The following ABHD2 variants were observed in gnomAD, a reference collection of about 807,000 sequenced individuals.
ABHD2 encodes abhydrolase domain containing 2, acylglycerol lipase.
ABHD2 carries 20 observed loss-of-function variants against 48.1 expected under a neutral mutation model. That is an observed-to-expected ratio of 0.42 (90% CI 0.29 to 0.60). The LOEUF (loss-of-function observed/expected upper bound fraction) is 0.60. Among genes scored for constraint, ABHD2 ranks in the 20% least tolerant of loss-of-function variants. The pLI, the probability that ABHD2 is intolerant of heterozygous loss-of-function variation, is 0.24. For missense variants in ABHD2, 405 were observed against 550.9 expected, an observed-to-expected ratio of 0.74 and a Z score of 2.65; for synonymous variants, 209 against 214.2, an observed-to-expected ratio of 0.98 and a Z score of 0.21.
chr15:89,165,485 G>T (rs940746410), intron 5 of ABHD2, among the ~76,000 whole-genome samples: 1 of 152,106 alleles, frequency 6.6e-6, no homozygotes, highest in Admixed American at 6.5e-5. Flanking sequence ...AAGCGAGGTG[G>T]CATGCACTTG....
rs1010433502 is a variant in ABHD2 at position 89,102,334 on chromosome 15, T to C, written c.-106-11391T>C. ...TAGTACTTCATTATATACAGATTTG[T>C]TGTACTATTTTCCAATTGTTTTATG... On this transcript the variant is annotated intron_variant, in intron 1 of 10. Transcript: ENST00000352732. The surrounding 1 kb of genome is among the most constrained non-coding windows in gnomAD (Gnocchi z 4.8). 2.6e-5 allele frequency: 4 copies of C among 152,268 alleles called. No individual in the cohort carries two copies. The highest frequency in any genetic ancestry group is 9.6e-5 in the African/African-American group (4 of 41,464). 9.4% of individuals were successfully genotyped at this position (152,268 alleles called of 1,614,324 possible). A position where few individuals can be genotyped will look rare whatever the true frequency, so the allele number is the denominator to read the frequency against.
intron 3 of ABHD2, among the ~76,000 whole-genome samples, chr15:89,131,329 C>G (rs1474545066): frequency 6.6e-6 from 1 of 152,238 alleles, no homozygotes; most frequent in Non-Finnish European, 1.5e-5. Context: ...CCTGGAATCC[C>G]TTCATACCTC....
At chr15:89,103,197 C>T (rs1195368781) in intron 1 of ABHD2, among the ~76,000 whole-genome samples, 1 of 152,184 alleles carries the variant, frequency 6.6e-6, no homozygotes, top group Non-Finnish European at 1.5e-5. Context: ...TCTCATCCTC[C>T]TCATGTGTTA....
At chr15:89,123,447 T>A (rs985044326) in intron 3 of ABHD2, among the ~76,000 whole-genome samples, 1 of 152,234 alleles carries the variant, frequency 6.6e-6, no homozygotes, top group African/African-American at 2.4e-5. Flanking sequence ...TCTCTGAGAC[T>A]CATCGTGGGG....
the ABHD2 span, among the ~76,000 whole-genome samples, chr15:89,055,472 A>T: frequency 1.3e-5 from 2 of 151,900 alleles, no homozygotes; most frequent in South Asian, 2.1e-4. Context: ...AGCTGGGACT[A>T]TAGGCGAATG....
chr15:89,175,806 C>T lies in ABHD2; in HGVS notation c.539-6C>T, dbSNP rs760560974. On this transcript the variant is annotated splice_polypyrimidine_tract_variant and splice_region_variant and intron_variant, in intron 5 of 10. Coordinates refer to ENST00000352732, the MANE Select transcript of ABHD2 (RefSeq NM_152924.5). This position sits in a 1 kb window ranked among gnomAD's most constrained non-coding sequence, Gnocchi z 5.7. Reference sequence around the variant, plus strand: ...TGATTGAGCAATCTCACCCTTTTGCCCACAGGCTGCACGTGGGAATTTGGA... The same window carrying T: ...TGATTGAGCAATCTCACCCTTTTGCTCACAGGCTGCACGTGGGAATTTGGA... The T allele has an allele frequency of 2.5e-6, 4 of 1,613,858 alleles. No homozygotes were observed. Among genetic ancestry groups the T allele is most frequent in the Non-Finnish European group, 2.5e-6 (3 of 1,179,914 alleles).
intron 1 of ABHD2, among the ~76,000 whole-genome samples, chr15:89,105,308 C>A (rs2049767098): frequency 6.6e-6 from 1 of 152,194 alleles, no homozygotes; most frequent in Non-Finnish European, 1.5e-5. Flanking sequence ...TGGTAACTTT[C>A]TTTGTGGAAG....
intron 3 of ABHD2, among the ~76,000 whole-genome samples, chr15:89,148,549 A>T (rs1255480136): frequency 6.6e-6 from 1 of 152,266 alleles, no homozygotes; most frequent in Non-Finnish European, 1.5e-5. Context: ...CAGTATCTAC[A>T]AAATGTAAAA....
chr15:89,190,272 A>G (rs1472533742), intron 8 of ABHD2, among the ~76,000 whole-genome samples: 3 of 152,182 alleles, frequency 2.0e-5, no homozygotes, highest in African/African-American at 7.2e-5. Context: ...GGAGCTCCAG[A>G]TTGAACCTTG....
chr15:89,057,010 T>C, the ABHD2 span, among the ~76,000 whole-genome samples: 1 of 143,722 alleles, frequency 7.0e-6, no homozygotes, highest in African/African-American at 2.6e-5. Context: ...GCCTCCCGGG[T>C]TCAAGCGATT....
In ABHD2 at chr15:89,146,355, C is replaced by CGTGTGTGTGTGTGTGTGT. The variant is rs4032279; in HGVS notation, c.195-5295_195-5278dup. Reference sequence around the variant, plus strand: ...TGAGCTTCATCTGCTCAAAGACGTACGTGTGTGTGTGTGTGTGTGTGTGTG... The same window carrying CGTGTGTGTGTGTGTGTGT: ...TGAGCTTCATCTGCTCAAAGACGTACGTGTGTGTGTGTGTGTGTGTGTGTGTGTGTGTGTGTGTGTGTG... On this transcript the variant is annotated intron_variant, in intron 3 of 10. Transcript: ENST00000352732. This position sits in a 1 kb window ranked among gnomAD's most constrained non-coding sequence, Gnocchi z 4.2. 3.9e-4 allele frequency among the ~76,000 whole-genome samples: 47 copies of CGTGTGTGTGTGTGTGTGT among 121,634 alleles called. No homozygotes were observed. The highest frequency in any genetic ancestry group is 1.6e-3 in the South Asian group (5 of 3,174). The allele number at this position is 121,634 out of a possible 152,430, so 79.8% of individuals were successfully genotyped here.
In ABHD2 at chr15:89,104,488, A is replaced by G. The variant is rs2049750949; in HGVS notation, c.-106-9237A>G. ...GGCTGCACGTGTTAATGCTGTCATC[A>G]CGGGCCCCACAGTGTGTATTAGCCA... On this transcript the variant is annotated intron_variant, in intron 1 of 10. Coordinates refer to ENST00000352732, the MANE Select transcript of ABHD2 (RefSeq NM_152924.5). This position sits in a 1 kb window ranked among gnomAD's most constrained non-coding sequence, Gnocchi z 4.4. Among the ~76,000 whole-genome samples the G allele has an allele frequency of 6.6e-6, 1 of 152,166 alleles. No homozygotes were observed. Among genetic ancestry groups the G allele is most frequent in the South Asian group, 2.1e-4 (1 of 4,830 alleles).
At chr15:89,052,536 CAGACAGACAGACAG>C in the ABHD2 span, among the ~76,000 whole-genome samples, 1 of 129,672 alleles carries the variant, frequency 7.7e-6, no homozygotes, top group African/African-American at 3.4e-5. Context: ...GACAGACAGA[CAGACAGACAGACAG>C]ACAGACAGAC....
rs543681511 is a variant in ABHD2 at position 89,184,502 on chromosome 15, G to A, written c.723-922G>A. ...TGTAATGAGTGTGGACTCAGTGTCC[G>A]CCTGCGTTTGGATTCACGCCCAAGG... On this transcript the variant is annotated intron_variant, in intron 6 of 10. Transcript: ENST00000352732. This position sits in a 1 kb window ranked among gnomAD's most constrained non-coding sequence, Gnocchi z 5.1. 5.9e-5 allele frequency among the ~76,000 whole-genome samples: 9 copies of A among 152,154 alleles called. No homozygotes were observed. Among genetic ancestry groups the A allele is most frequent in the South Asian group, 2.1e-4 (1 of 4,820 alleles).
In ABHD2 at chr15:89,151,786, A is replaced by G. The variant is rs1358638187; in HGVS notation, c.304A>G (p.Thr102Ala). 2 of 1,614,208 alleles carry G rather than the reference A, an allele frequency of 1.2e-6. No homozygotes were observed. Among genetic ancestry groups the G allele is most frequent in the East Asian group, 2.2e-5 (1 of 44,888 alleles). The change falls in exon 4 of 11, where the codon ACT (threonine) becomes GCT (alanine). Residue 102 changes from threonine to alanine, a missense_variant. Coordinates refer to ENST00000352732, the MANE Select transcript of ABHD2 (RefSeq NM_152924.5). This position sits in a 1 kb window ranked among gnomAD's most constrained non-coding sequence, Gnocchi z 4.7. ...TCCTTATGGGCACCGGAAGTTCATC[A>G]CTATGTCTGATGGAGCCACTTCTAC... ...PHPYGHRKFI[T>A]MSDGATSTFD... is the part of the protein sequence containing the mutation.
At chr15:89,086,780 G>A (rs1596049354), upstream of ABHD2, among the ~76,000 whole-genome samples, 1 of 152,222 alleles carries the variant, frequency 6.6e-6, no homozygotes, top group East Asian at 1.9e-4. Flanking sequence ...TACTTATCTA[G>A]TGATAATCTA....
At chr15:89,099,025 C>T (rs1361863053) in intron 1 of ABHD2, among the ~76,000 whole-genome samples, 1 of 152,148 alleles carries the variant, frequency 6.6e-6, no homozygotes, top group Non-Finnish European at 1.5e-5. Context: ...TTCCTAGAGC[C>T]TCACCAGGGC....
At chr15:89,041,558 G>A in the ABHD2 span, among the ~76,000 whole-genome samples, 2 of 152,364 alleles carry the variant, frequency 1.3e-5, 1 homozygote. Flanking sequence ...GACTGTCCTA[G>A]TGTGAATCCG....
At chr15:89,183,376 A>ATATAT (rs1555433598) in intron 6 of ABHD2, 6 of 75,866 alleles carry the variant, frequency 7.9e-5, no homozygotes, top group African/African-American at 2.8e-4. Flanking sequence ...TTCAAAAAAA[A>ATATAT]AAAAAAAAAT....
Sources: allele counts gnomAD v4.1 joint callset (sites outside exome capture counted in the v4.1 genomes callset), GRCh38; gene constraint gnomAD v4.1.1; non-coding constraint Gnocchi (gnomAD v3.1); transcripts MANE v1.5; gene names NCBI Gene and HGNC (gene_info 2026-07-23, HGNC 2026-07-21).